CHID1: variants seen among roughly 807,000 people sequenced by gnomAD.
CHID1 encodes chitinase domain containing 1.
A neutral mutation model predicts 55.4 loss-of-function variants in CHID1; 44 were observed. The ratio of observed to expected loss-of-function variants is 0.79; its 90% CI spans 0.62 to 1.02. The LOEUF (loss-of-function observed/expected upper bound fraction) is 1.02. Ranked by LOEUF, CHID1 falls within the 50% of genes least tolerant of loss-of-function variation. The pLI is 0.00. For missense variants in CHID1, 491 were observed against 515.3 expected, an observed-to-expected ratio of 0.95 and a Z score of 0.46; for synonymous variants, 216 against 212.9, an observed-to-expected ratio of 1.01 and a Z score of -0.13.
chr11:910,341 G>C (rs1852569221), intron 1 of CHID1, among the ~76,000 whole-genome samples: 1 of 152,098 alleles, frequency 6.6e-6, no homozygotes, highest in Non-Finnish European at 1.5e-5. Context: ...TGGGGGTCCT[G>C]GGGACCCGAT....
chr11:905,199 A>C (rs1852121028), intron 1 of CHID1, among the ~76,000 whole-genome samples: 1 of 152,234 alleles, frequency 6.6e-6, no homozygotes, highest in Admixed American at 6.5e-5. Flanking sequence ...TCCTCCTTCA[A>C]ACCCAAAGAA....
upstream of CHID1, chr11:914,766 G>C: frequency 2.9e-6 from 1 of 339,314 alleles, no homozygotes; most frequent in Non-Finnish European, 5.7e-6. Flanking sequence ...GGAGGTGCCT[G>C]GTGGCTGTGG....
At chr11:890,028 G>A (rs752359145) in intron 8 of CHID1, among the ~76,000 whole-genome samples, 8 of 151,266 alleles carry the variant, frequency 5.3e-5, no homozygotes, top group Non-Finnish European at 8.8e-5. Context: ...GGCCTAGCCC[G>A]CTCCCCATGG....
chr11:876,281 G>A (rs1849510283), intron 10 of CHID1, among the ~76,000 whole-genome samples: 1 of 152,196 alleles, frequency 6.6e-6, no homozygotes, highest in African/African-American at 2.4e-5. Context: ...GTTGCAGGCA[G>A]TGAGCCCTTG....
intron 8 of CHID1, among the ~76,000 whole-genome samples, chr11:885,059 A>G (rs2134188776): frequency 6.6e-6 from 1 of 152,304 alleles, no homozygotes; most frequent in East Asian, 1.9e-4. Flanking sequence ...CCACGGCAGC[A>G]GGACGTAGGA....
At chr11:888,055 G>A (rs1366417541) in intron 8 of CHID1, among the ~76,000 whole-genome samples, 3 of 152,228 alleles carry the variant, frequency 2.0e-5, no homozygotes, top group Admixed American at 6.5e-5. Context: ...TCCACACCAC[G>A]CCCCTCAGTG....
chr11:905,197 C>T (rs1482803291), intron 1 of CHID1, among the ~76,000 whole-genome samples: 1 of 152,266 alleles, frequency 6.6e-6, no homozygotes. Context: ...CCTCCTCCTT[C>T]AAACCCAAAG....
chr11:910,625 GCT>G (rs915562799), intron 1 of CHID1, 148 bp downstream of exon 1: 2 of 1,261,464 alleles, frequency 1.6e-6, no homozygotes, highest in Non-Finnish European at 2.0e-6. Flanking sequence ...TCACACACTT[GCT>G]CTCTCTCACG....
chr11:903,735 C>T (rs1231144895), intron 2 of CHID1: 6 of 219,646 alleles, frequency 2.7e-5, no homozygotes, highest in South Asian at 4.6e-5. Flanking sequence ...GAGCCAAGAT[C>T]GCGCCATTGC....
intron 7 of CHID1, among the ~76,000 whole-genome samples, chr11:897,768 G>A (rs1851486412): frequency 6.6e-6 from 1 of 152,236 alleles, no homozygotes; most frequent in African/African-American, 2.4e-5. Context: ...CCGGTGGGGG[G>A]CACACTGAGG....
chr11:886,835 G>A (rs910025032), intron 8 of CHID1, among the ~76,000 whole-genome samples: 3 of 152,188 alleles, frequency 2.0e-5, no homozygotes, highest in Non-Finnish European at 4.4e-5. Flanking sequence ...CGTTGGCTGC[G>A]TCGGTTCCAT....
intron 10 of CHID1, among the ~76,000 whole-genome samples, chr11:882,003 CAAAAAAAA>C (rs773102032): frequency 3.6e-5 from 2 of 55,378 alleles, no homozygotes; most frequent in Non-Finnish European, 7.7e-5. Flanking sequence ...GACCCTGTCT[CAAAAAAAA>C]AAAAAAAAAA....
intron 10 of CHID1, among the ~76,000 whole-genome samples, chr11:881,182 G>A (rs111620978): frequency 0.019 from 2,836 of 152,256 alleles, 80 homozygotes; most frequent in Non-Finnish European, 0.021. Flanking sequence ...GGTGGCTCAC[G>A]CGTGTCATCG....
intron 12 of CHID1, 23 bp from the exon 13 acceptor site, chr11:869,979 G>A: frequency 6.2e-7 from 1 of 1,608,822 alleles, no homozygotes; most frequent in Non-Finnish European, 8.5e-7. Context: ...GGAGGTGTGA[G>A]CACCTGCTGG....
At position 903,124 on chromosome 11, in the gene CHID1, G is replaced by T. The variant is rs1442736154; in HGVS notation, c.112-13C>A. ...CTGAAAACTGACTCTGAAATAAAAG[G>T]AGTGAGAGAAAAGCCTCAGTCATCT... On this transcript the variant is annotated splice_polypyrimidine_tract_variant and intron_variant, in intron 2 of 12. Coordinates refer to ENST00000323578, the MANE Select transcript of CHID1 (RefSeq NM_023947.4). 1 of 1,605,312 alleles carries T rather than the reference G, an allele frequency of 6.2e-7. No homozygotes were observed. Among genetic ancestry groups the T allele is most frequent in the Non-Finnish European group, 8.5e-7 (1 of 1,179,856 alleles).
upstream of CHID1, among the ~76,000 whole-genome samples, chr11:914,014 G>A (rs1852827274): frequency 6.6e-6 from 1 of 151,002 alleles, no homozygotes; most frequent in Non-Finnish European, 1.5e-5. Context: ...GTTGCAATGA[G>A]CCGAGATCGC....
At chr11:894,383 G>A (rs1358158712) in intron 7 of CHID1, among the ~76,000 whole-genome samples, 1 of 152,122 alleles carries the variant, frequency 6.6e-6, no homozygotes, top group African/African-American at 2.4e-5. Context: ...GATGGCACTA[G>A]CCTCCCTCCT....
At chr11:907,664 C>T (rs1365177459) in intron 1 of CHID1, among the ~76,000 whole-genome samples, 1 of 152,154 alleles carries the variant, frequency 6.6e-6, no homozygotes, top group Non-Finnish European at 1.5e-5. Context: ...TCTAGACCAG[C>T]TGAGAGGCCC....
chr11:900,707 G>A (rs1589888509), intron 5 of CHID1, among the ~76,000 whole-genome samples: 1 of 152,198 alleles, frequency 6.6e-6, no homozygotes, highest in Non-Finnish European at 1.5e-5. Flanking sequence ...CCAAGGAGGT[G>A]CTGGCTTTGG....
Sources: gnomAD v4.1 joint callset for allele counts (sites outside exome capture counted in the v4.1 genomes callset) on GRCh38, gnomAD v4.1.1 for gene constraint, MANE v1.5 for transcripts, NCBI Gene and HGNC (gene_info 2026-07-23, HGNC 2026-07-21) for gene names.